Variants in CD99L2 observed in about 807,000 individuals in gnomAD.
The protein encoded by CD99L2 is CD99 molecule like 2, also known as CD99 antigen-like protein 2.
In CD99L2, 24 loss-of-function variants were observed where a neutral mutation model predicts 27.3. The observed-to-expected ratio is 0.88, with a 90% CI of 0.64 to 1.24. The LOEUF (loss-of-function observed/expected upper bound fraction) is 1.24, where lower values mean the gene tolerates loss of function less well. Ranked by LOEUF, CD99L2 falls within the 50% of genes most tolerant of loss-of-function variation. CD99L2 has a pLI of 0.00. For missense variants in CD99L2, 255 were observed against 221.6 expected, an observed-to-expected ratio of 1.15 and a Z score of -0.96; for synonymous variants, 97 against 87.9, an observed-to-expected ratio of 1.10 and a Z score of -0.58.
At chrX:150,857,889 T>G (rs1465687563) in intron 1 of CD99L2, among the ~76,000 whole-genome samples, 1 of 112,247 alleles carries the variant, frequency 8.9e-6, no homozygotes, top group East Asian at 2.8e-4. Flanking sequence ...CTTTAAAAAA[T>G]ATAGACTGGC....
At chrX:150,824,028 G>C (rs376287665) in intron 2 of CD99L2, among the ~76,000 whole-genome samples, 31 of 84,986 alleles carry the variant, frequency 3.6e-4, no homozygotes, top group Middle Eastern at 7.5e-3. Context: ...AAGAGGAAGA[G>C]GAGGAGGAGG....
chrX:150,881,815 A>ATTTT (rs59133869), intron 1 of CD99L2, among the ~76,000 whole-genome samples: 3 of 89,376 alleles, frequency 3.4e-5, no homozygotes, highest in Non-Finnish European at 6.6e-5. Flanking sequence ...ACTCTTTCCA[A>ATTTT]TTTTTTTTTT....
chrX:150,783,513 C>T (rs1406787151), intron 7 of CD99L2, among the ~76,000 whole-genome samples: 4 of 111,630 alleles, frequency 3.6e-5, no homozygotes, highest in Admixed American at 1.9e-4. Flanking sequence ...GCCTGTATGT[C>T]TTTAGAAGGA....
rs148773822 is a variant in CD99L2 at position 150,893,268 on chromosome X, G to C, written c.67+5254C>G. Among the ~76,000 whole-genome samples, 580 of 111,621 alleles carry C rather than the reference G, an allele frequency of 5.2e-3. 7 individuals carry two copies. Among genetic ancestry groups the C allele is most frequent in the Middle Eastern group, 9.3e-3 (2 of 216 alleles). On this transcript the variant is annotated intron_variant, in intron 1 of 10. Transcript: ENST00000370377. ...GTCAGACGAGCGCAGCAACTGACTA[G>C]TGCCCATAAGGGCAACCCTGGAGCC...
chrX:150,835,393 G>T, intron 1 of CD99L2, among the ~76,000 whole-genome samples: 1 of 111,589 alleles, frequency 9.0e-6, no homozygotes, highest in Non-Finnish European at 1.9e-5. Context: ...AGCCCGGCAT[G>T]GTGGTGCACG....
intron 9 of CD99L2, among the ~76,000 whole-genome samples, chrX:150,774,006 T>C (rs2043507062): frequency 9.0e-6 from 1 of 111,708 alleles, no homozygotes. Context: ...GTATCTGACA[T>C]GGTGCTTCCA....
chrX:150,856,689 C>T (rs2046895151), intron 1 of CD99L2, among the ~76,000 whole-genome samples: 1 of 109,633 alleles, frequency 9.1e-6, no homozygotes, highest in African/African-American at 3.3e-5. Context: ...AATGTAAAGA[C>T]ACAGAAAACA....
intron 2 of CD99L2, among the ~76,000 whole-genome samples, chrX:150,830,133 T>A (rs1200158930): frequency 9.2e-6 from 1 of 108,955 alleles, no homozygotes; most frequent in Non-Finnish European, 1.9e-5. Flanking sequence ...CCAGCCTGGG[T>A]GACAGAGCGA....
intron 7 of CD99L2, among the ~76,000 whole-genome samples, chrX:150,789,530 T>G (rs1409627408): frequency 3.6e-5 from 4 of 112,034 alleles, no homozygotes; most frequent in Non-Finnish European, 7.5e-5. Context: ...ATAGTGTTGT[T>G]CATAGAACAA....
intron 1 of CD99L2, among the ~76,000 whole-genome samples, chrX:150,881,193 AT>A (rs2047319665): frequency 9.1e-6 from 1 of 110,363 alleles, no homozygotes; most frequent in South Asian, 3.9e-4. Context: ...ATTTCACTTC[AT>A]CCCACACTGG....
At chrX:150,819,532 A>C (rs782089235) in intron 2 of CD99L2, among the ~76,000 whole-genome samples, 26 of 111,736 alleles carry the variant, frequency 2.3e-4, no homozygotes, top group Non-Finnish European at 4.9e-4. Context: ...TTATAGCGGA[A>C]ATAAAATGAA....
In CD99L2 at chrX:150,768,837, G is replaced by T; in HGVS notation, c.*197C>A. 3 of 936,770 alleles carry T rather than the reference G, an allele frequency of 3.2e-6. No individual in the cohort carries two copies. In the South Asian group the frequency reaches 1.4e-4, roughly 43 times the overall value. 77.2% of individuals were successfully genotyped at this position (936,770 alleles called of 1,213,427 possible). A position where few individuals can be genotyped will look rare whatever the true frequency, so the allele number is the denominator to read the frequency against. On this transcript the variant is annotated 3_prime_UTR_variant, in exon 11 of 11. Transcript: ENST00000370377. ...TATCAGAGCTGGCTCTTGAATTTCG[G>T]CACCAAGTCTCAGCACGCTTGGGGC... is the stretch of plus-strand genomic sequence containing the variant.
rs962276502 is a variant in CD99L2 at position 150,792,376 on chromosome X, C to T, written c.496+1315G>A. Among the ~76,000 whole-genome samples, 3 of 111,918 alleles carry T rather than the reference C, an allele frequency of 2.7e-5. No individual in the cohort carries two copies. The Admixed American group carries it at 2.8e-4, about 11-fold the overall frequency. ...ACCATCTGGAAATACCACTTATCAC[C>T]CAGAAGTAATTGGCTAATTTGCTGG... On this transcript the variant is annotated intron_variant, in intron 7 of 10. Coordinates refer to ENST00000370377, the MANE Select transcript of CD99L2 (RefSeq NM_031462.4).
rs1227355409 is a variant in CD99L2 at position 150,770,104 on chromosome X, G to C, written c.721+200C>G. Among the ~76,000 whole-genome samples, 21 of 113,052 alleles carry C rather than the reference G, an allele frequency of 1.9e-4. No individual in the cohort carries two copies. The Admixed American group carries it at 1.9e-3, about 10-fold the overall frequency. ...ATGCCCAGAAGTCACAGGCATGGCA[G>C]CAGATGGCCCTGGCTGTCACCCCAG... On this transcript the variant is annotated intron_variant, in intron 10 of 10. Transcript: ENST00000370377.
intron 6 of CD99L2, 128 bp downstream of exon 6, chrX:150,795,078 G>A: frequency 1.4e-6 from 1 of 729,199 alleles, no homozygotes; most frequent in Non-Finnish European, 2.1e-6. Context: ...GACCAAAAAA[G>A]TTTGAGTACC....
At chrX:150,853,940 A>G (rs1165886728) in intron 1 of CD99L2, among the ~76,000 whole-genome samples, 1 of 112,242 alleles carries the variant, frequency 8.9e-6, no homozygotes, top group Non-Finnish European at 1.9e-5. Flanking sequence ...TATGACAAAA[A>G]AGGAGGAGAA....
intron 4 of CD99L2, among the ~76,000 whole-genome samples, chrX:150,803,951 G>T (rs1317796184): frequency 8.9e-6 from 1 of 112,142 alleles, no homozygotes; most frequent in African/African-American, 3.2e-5. Flanking sequence ...CTCTGTAAAA[G>T]ACCTGTTTAA....
intron 1 of CD99L2, among the ~76,000 whole-genome samples, chrX:150,888,375 C>T (rs2047447412): frequency 9.0e-6 from 1 of 111,609 alleles, no homozygotes; most frequent in South Asian, 3.8e-4. Flanking sequence ...TACTGATCCA[C>T]GCTACAACAG....
rs868990227 is a variant in CD99L2 at position 150,898,399 on chromosome X, C to T, written c.67+123G>A. ...CGCCGCTCCGCCTCGCACAGCCGGG[C>T]CGGCCGGTGGCAGCCACCGCAGGCC... On this transcript the variant is annotated intron_variant, in intron 1 of 10. Coordinates refer to ENST00000370377, the MANE Select transcript of CD99L2 (RefSeq NM_031462.4). The T allele has an allele frequency of 4.1e-5, 20 of 493,586 alleles. No homozygotes were observed. The African/African-American group carries it at 4.6e-4, about 11-fold the overall frequency. 40.7% of individuals were successfully genotyped at this position (493,586 alleles called of 1,213,427 possible). A position where few individuals can be genotyped will look rare whatever the true frequency, so the allele number is the denominator to read the frequency against.
Sources: gnomAD v4.1 joint callset for allele counts (sites outside exome capture counted in the v4.1 genomes callset) on GRCh38, gnomAD v4.1.1 for gene constraint, MANE v1.5 for transcripts, NCBI Gene and HGNC (gene_info 2026-07-23, HGNC 2026-07-21) for gene names.